SCRN3: variants seen among roughly 807,000 people sequenced by gnomAD.
SCRN3 encodes secernin 3.
In SCRN3, 39 loss-of-function variants were observed where a neutral mutation model predicts 43.1. The ratio of observed to expected loss-of-function variants is 0.91; its 90% confidence interval spans 0.70 to 1.18. The LOEUF is 1.18. Among genes scored for constraint, SCRN3 ranks in the 50% most tolerant of loss-of-function variants. The pLI is 0.00. For missense variants in SCRN3, 484 were observed against 498.0 expected (o/e 0.97, Z 0.27); for synonymous variants, 147 against 163.1 (o/e 0.90, Z 0.75).
At chr2:174,410,494 A>G (rs1685879778) in intron 5 of SCRN3, 1 of 152,394 alleles carries the variant, frequency 6.6e-6, no homozygotes. Flanking sequence ...GAATAAACCT[A>G]TTTTTTGAGG....
chr2:174,403,160 T>C, intron 4 of SCRN3, among the ~76,000 whole-genome samples: 1 of 151,962 alleles, frequency 6.6e-6, no homozygotes, highest in Non-Finnish European at 1.5e-5. Flanking sequence ...TATACAGATT[T>C]GAAATAAGCA....
rs151226327 is a variant in SCRN3 at position 174,399,983 on chromosome 2, C to A, written c.221C>A (p.Ala74Glu). Residue 74 changes from alanine to glutamate, a missense_variant, in exon 3 of 8, where the codon GCG (alanine) becomes GAG (glutamate). Physicochemically the swap from Ala to Glu is moderately radical, Grantham distance 107. Transcript: ENST00000272732. ...TATGCTGTTGTCCTGAGTCGCCCAG[C>A]GTGGTTGTGGGGGGCAGAAATGGGA... Reference protein sequence around the residue: ...ETYAVVLSRPAWLWGAEMGAN... With the variant: ...ETYAVVLSRPEWLWGAEMGAN... 2.9e-4 allele frequency: 454 copies of A among 1,585,990 alleles called. 1 individual carries two copies. The highest frequency in any genetic ancestry group is 3.6e-4 in the Non-Finnish European group (418 of 1,169,388).
chr2:174,411,601 G>A (rs11677162), intron 5 of SCRN3, among the ~76,000 whole-genome samples: 3 of 151,902 alleles, frequency 2.0e-5, no homozygotes, highest in Non-Finnish European at 2.9e-5. Context: ...TTAAAAAATC[G>A]TTAAGCACGT....
intron 5 of SCRN3, chr2:174,409,949 G>GAGGC (rs1685844481): frequency 6.9e-6 from 1 of 144,744 alleles, no homozygotes; most frequent in Non-Finnish European, 1.5e-5. Flanking sequence ...GGAGCCTACA[G>GAGGC]AGGCAGGCAG....
rs192785279 is a variant in SCRN3 at position 174,396,565 on chromosome 2, G to A, written c.-10+748G>A. ...TAATCCCAGCACTTTGGGAGGCCAA[G>A]GTGGGTGGATCACCTGAGGTCAGGA... On this transcript the variant is annotated intron_variant, in intron 1 of 7. Coordinates refer to ENST00000272732, the MANE Select transcript of SCRN3 (RefSeq NM_024583.5). 9.8e-5 allele frequency among the ~76,000 whole-genome samples: 15 copies of A among 152,286 alleles called. No individual in the cohort carries two copies. The East Asian group carries it at 2.9e-3, about 29-fold the overall frequency.
At chr2:174,395,879 T>C in intron 1 of SCRN3, 62 bp downstream of exon 1, 1 of 1,449,210 alleles carries the variant, frequency 6.9e-7, no homozygotes, top group African/African-American at 1.4e-5. Context: ...AAGACCCAAC[T>C]GTGGCGCGGC....
chr2:174,420,539 T>C (rs1377970709), intron 5 of SCRN3, among the ~76,000 whole-genome samples: 1 of 152,186 alleles, frequency 6.6e-6, no homozygotes, highest in Non-Finnish European at 1.5e-5. Flanking sequence ...ACACATTAGC[T>C]TTATTGGAAA....
intron 4 of SCRN3, among the ~76,000 whole-genome samples, chr2:174,402,421 C>T (rs1373716654): frequency 6.6e-6 from 1 of 152,188 alleles, no homozygotes; most frequent in Non-Finnish European, 1.5e-5. Context: ...GGCATGGTGG[C>T]TCATGCCTAT....
At chr2:174,403,959 G>A in intron 4 of SCRN3, 144 bp from the exon 5 acceptor site, 1 of 571,348 alleles carries the variant, frequency 1.8e-6, no homozygotes, top group Non-Finnish European at 3.1e-6. Flanking sequence ...TTATCTTTTT[G>A]AATATGTAAT....
chr2:174,426,658 A>G (rs569769181), intron 7 of SCRN3, among the ~76,000 whole-genome samples: 164 of 151,790 alleles, frequency 1.1e-3, no homozygotes, highest in African/African-American at 3.7e-3. Context: ...TGTAATACCA[A>G]CTACTCGGGA....
At chr2:174,413,164 A>T (rs1366367042) in intron 5 of SCRN3, among the ~76,000 whole-genome samples, 1 of 151,860 alleles carries the variant, frequency 6.6e-6, no homozygotes, top group East Asian at 1.9e-4. Flanking sequence ...GAGCCACCAC[A>T]CCCGGCCGAT....
intron 5 of SCRN3, among the ~76,000 whole-genome samples, chr2:174,413,168 G>A (rs896666342): frequency 1.3e-5 from 2 of 151,896 alleles, no homozygotes; most frequent in Non-Finnish European, 2.9e-5. Flanking sequence ...CACCACACCC[G>A]GCCGATAGTG....
At chr2:174,398,516 T>A in intron 2 of SCRN3, 74 bp downstream of exon 2, 1 of 1,309,460 alleles carries the variant, frequency 7.6e-7, no homozygotes. Flanking sequence ...ACATAGCAAT[T>A]TGGAAGAAAC....
Position 174,401,151 on chromosome 2 carries a change from A to G in SCRN3, c.503A>G (p.Glu168Gly), listed in dbSNP as rs1382102594. ...IADRNEAWILETAGKYWAAEK... is the reference protein window; with the variant it reads ...IADRNEAWILGTAGKYWAAEK... Reference sequence around the variant, plus strand: ...GATAGGAATGAAGCCTGGATTCTGGAGACTGCAGGGAAGTACTGGGCAGCA... The same window carrying G: ...GATAGGAATGAAGCCTGGATTCTGGGGACTGCAGGGAAGTACTGGGCAGCA... The change falls in exon 4 of 8, where the codon GAG becomes GGG. Residue 168 changes from glutamate to glycine, a missense_variant. By Grantham distance (98) the Glu-to-Gly change is moderately conservative. Transcript: ENST00000272732. The G allele has an allele frequency of 5.0e-6, 8 of 1,613,972 alleles. No homozygotes were observed. The highest frequency in any genetic ancestry group is 5.9e-6 in the Non-Finnish European group (7 of 1,179,904).
chr2:174,427,897 G>T lies in SCRN3; in HGVS notation c.*2G>T. ...TTATCAGTCAAAGTTAGTTCTTAGTGATCATATGGTCAGCTAATATTAGTT... is the reference window on the plus strand; with the variant it reads ...TTATCAGTCAAAGTTAGTTCTTAGTTATCATATGGTCAGCTAATATTAGTT... On this transcript the variant is annotated 3_prime_UTR_variant, in exon 8 of 8. Coordinates refer to ENST00000272732, the MANE Select transcript of SCRN3 (RefSeq NM_024583.5). 6.5e-7 allele frequency: 1 copy of T among 1,545,928 alleles called. No homozygotes were observed. Among genetic ancestry groups the T allele is most frequent in the South Asian group, 1.1e-5 (1 of 88,436 alleles).
intron 1 of SCRN3, among the ~76,000 whole-genome samples, chr2:174,396,751 C>T (rs1685328278): frequency 2.6e-5 from 4 of 151,686 alleles, no homozygotes; most frequent in Admixed American, 1.3e-4. Flanking sequence ...TGAGCCAAGA[C>T]TGCTCCATTG....
intron 2 of SCRN3, 83 bp downstream of exon 2, chr2:174,398,525 A>G (rs1685402760): frequency 8.3e-7 from 1 of 1,198,860 alleles, no homozygotes. Context: ...TTTGGAAGAA[A>G]CTGTAGAAGT....
chr2:174,406,772 C>T (rs1043944515), intron 5 of SCRN3, among the ~76,000 whole-genome samples: 7 of 132,450 alleles, frequency 5.3e-5, no homozygotes, highest in East Asian at 4.4e-4. Flanking sequence ...TATTGATTTG[C>T]GTATATTGAA....
chr2:174,426,092 G>A (rs6738161), intron 7 of SCRN3, among the ~76,000 whole-genome samples: 40,348 of 151,918 alleles, frequency 0.27, 6,101 homozygotes, highest in Middle Eastern at 0.54. Flanking sequence ...TTGACATTTA[G>A]CTTTTTTGTC....
Sources: gnomAD v4.1 joint callset for allele counts (sites outside exome capture counted in the v4.1 genomes callset) on GRCh38, gnomAD v4.1.1 for gene constraint, MANE v1.5 for transcripts, NCBI Gene and HGNC (gene_info 2026-07-23, HGNC 2026-07-21) for gene names.